Variants in MYO18B observed in about 807,000 individuals in gnomAD.
MYO18B encodes unconventional myosin-XVIIIb.
In MYO18B, 204 loss-of-function variants were observed where a neutral mutation model predicts 273.0. That is an observed-to-expected ratio of 0.75 (90% CI 0.67 to 0.84). The LOEUF is 0.84. Ranked by LOEUF, MYO18B falls within the 40% of genes least tolerant of loss-of-function variation. The pLI, the probability that MYO18B is intolerant of heterozygous loss-of-function variation, is 0.00. For missense variants in MYO18B, 3,212 were observed against 3,287.6 expected, an observed-to-expected ratio of 0.98 and a Z score of 0.56; for synonymous variants, 1,330 against 1,305.7, an observed-to-expected ratio of 1.02 and a Z score of -0.40.
chr22:26,049,579 A>G, the MYO18B span, among the ~76,000 whole-genome samples: 6 of 152,232 alleles, frequency 3.9e-5, no homozygotes, highest in African/African-American at 1.4e-4. Flanking sequence ...TGTGCTCTTG[A>G]AAAAACAGTC....
intron 17 of MYO18B, 78 bp from the exon 18 acceptor site, chr22:25,843,657 G>A (rs2090149146): frequency 2.7e-6 from 4 of 1,463,196 alleles, no homozygotes; most frequent in Non-Finnish European, 2.8e-6. Flanking sequence ...GATGGATACT[G>A]TGCGTTTAAG....
chr22:26,018,237 G>A (rs574355683), intron 42 of MYO18B, among the ~76,000 whole-genome samples: 17 of 152,188 alleles, frequency 1.1e-4, no homozygotes, highest in Admixed American at 7.2e-4. Context: ...CCTTGAGAGC[G>A]ACCTTGTCTC....
At chr22:25,776,920 T>C (rs531544838) in intron 7 of MYO18B, among the ~76,000 whole-genome samples, 9 of 152,330 alleles carry the variant, frequency 5.9e-5, no homozygotes, top group Admixed American at 5.9e-4. Flanking sequence ...GCTCCTCATC[T>C]TCACCAAAAC....
intron 33 of MYO18B, 80 bp downstream of exon 33, chr22:25,911,130 C>A: frequency 9.7e-7 from 1 of 1,026,156 alleles, no homozygotes. Context: ...AGAGAACAGC[C>A]TGAGGGATAC....
intron 37 of MYO18B, 136 bp from the exon 38 acceptor site, chr22:25,952,150 T>C: frequency 3.0e-6 from 3 of 993,778 alleles, no homozygotes; most frequent in Non-Finnish European, 4.4e-6. Context: ...TGCAGACATT[T>C]AACATGCAGC....
chr22:26,011,670 T>G (rs1220240852), intron 42 of MYO18B, among the ~76,000 whole-genome samples: 1 of 152,222 alleles, frequency 6.6e-6, no homozygotes, highest in African/African-American at 2.4e-5. Flanking sequence ...TATTTATCCC[T>G]AAATTTCAAT....
At chr22:25,935,480 A>G (rs1212773219) in intron 34 of MYO18B, among the ~76,000 whole-genome samples, 1 of 152,140 alleles carries the variant, frequency 6.6e-6, no homozygotes, top group Non-Finnish European at 1.5e-5. Context: ...ATCTTGGAGC[A>G]CATAGATGAA....
the MYO18B span, among the ~76,000 whole-genome samples, chr22:26,038,308 A>G: frequency 3.3e-5 from 5 of 152,108 alleles, no homozygotes; most frequent in African/African-American, 1.2e-4. Flanking sequence ...ATTCTGTTCA[A>G]TGTGGTGCTA....
intron 33 of MYO18B, among the ~76,000 whole-genome samples, chr22:25,918,996 G>T (rs1211414120): frequency 6.6e-6 from 1 of 152,108 alleles, no homozygotes; most frequent in Non-Finnish European, 1.5e-5. Context: ...CATATCAGTT[G>T]TTCCTCCATG....
At chr22:26,024,576 C>T (rs1412901649) in intron 42 of MYO18B, among the ~76,000 whole-genome samples, 1 of 152,178 alleles carries the variant, frequency 6.6e-6, no homozygotes, top group African/African-American at 2.4e-5. Context: ...GTCACCAGAC[C>T]GCTGCTGTAA....
intron 34 of MYO18B, among the ~76,000 whole-genome samples, chr22:25,929,179 A>T (rs2092463760): frequency 6.8e-6 from 1 of 147,322 alleles, no homozygotes; most frequent in Admixed American, 6.8e-5. Context: ...AAAAAAAAAG[A>T]CAGTGATCTC....
intron 36 of MYO18B, among the ~76,000 whole-genome samples, chr22:25,949,873 A>T (rs1339530474): frequency 1.3e-5 from 2 of 152,056 alleles, no homozygotes; most frequent in Non-Finnish European, 2.9e-5. Flanking sequence ...GTTCTATTTT[A>T]AAAAAAACCT....
intron 25 of MYO18B, among the ~76,000 whole-genome samples, chr22:25,880,367 T>C (rs1394195754): frequency 6.6e-6 from 1 of 152,248 alleles, no homozygotes; most frequent in African/African-American, 2.4e-5. Flanking sequence ...AATCTTTATA[T>C]AAAATGTTGA....
intron 40 of MYO18B, among the ~76,000 whole-genome samples, chr22:25,997,331 C>G (rs9608446): frequency 1.3e-5 from 1 of 79,288 alleles, no homozygotes; most frequent in East Asian, 5.3e-4. Flanking sequence ...AAAAAAAAAA[C>G]GAAGGAAAAA....
intron 7 of MYO18B, among the ~76,000 whole-genome samples, chr22:25,776,084 G>GT (rs1013366798): frequency 1.8e-4 from 27 of 152,190 alleles, no homozygotes; most frequent in Admixed American, 3.3e-4. Flanking sequence ...CCACTGATCT[G>GT]TTTTTTTGTC....
rs199523038 is a variant in MYO18B, at chr22:25,832,919, A to G, written c.2982A>G (p.Glu994=). The G allele has an allele frequency of 4.1e-5, 66 of 1,613,390 alleles. No individual in the cohort carries two copies. In the Middle Eastern group the frequency reaches 2.1e-3, roughly 52 times the overall value. The part of the protein sequence containing the change: ...FVSTLQRYQE[E]GVPVQFDLPD... ...TTTTAAATCCTGTTATTTTCCAGGAAGGTGTTCCTGTGCAGTTTGACCTCC... is the reference window on the plus strand; with the variant it reads ...TTTTAAATCCTGTTATTTTCCAGGAGGGTGTTCCTGTGCAGTTTGACCTCC... Residue 994 remains glutamate (E), a splice_region_variant and synonymous_variant, in exon 16 of 44, where the codon GAA becomes GAG. Transcript: ENST00000335473.
chr22:25,760,833 C>T (rs2086287985), intron 1 of MYO18B, among the ~76,000 whole-genome samples, 151 bp from the exon 2 acceptor site: 1 of 152,222 alleles, frequency 6.6e-6, no homozygotes, highest in South Asian at 2.1e-4. Flanking sequence ...TGACCATCCT[C>T]CTTGCAGAGG....
chr22:25,968,350 C>G (rs2093001163), intron 39 of MYO18B, among the ~76,000 whole-genome samples: 1 of 152,136 alleles, frequency 6.6e-6, no homozygotes, highest in Admixed American at 6.5e-5. Context: ...AATAGATTCC[C>G]CCAAGGAAAA....
intron 40 of MYO18B, among the ~76,000 whole-genome samples, chr22:25,997,958 A>AACACAC (rs993922964): frequency 1.9e-5 from 2 of 105,706 alleles, no homozygotes; most frequent in Admixed American, 8.7e-5. Flanking sequence ...CACACACACA[A>AACACAC]ACACACACAC....
Sources: allele counts gnomAD v4.1 joint callset (sites outside exome capture counted in the v4.1 genomes callset), GRCh38; gene constraint gnomAD v4.1.1; transcripts MANE v1.5; gene names NCBI Gene and HGNC (gene_info 2026-07-23, HGNC 2026-07-21).